Variants in LEF1 observed in about 807,000 individuals in gnomAD.
LEF1 encodes the protein lymphoid enhancer-binding factor 1.
Under a neutral mutation model 51.2 loss-of-function variants are expected in LEF1, and 14 were observed. The observed-to-expected ratio is 0.27, with a 90% CI of 0.18 to 0.43. The LOEUF (loss-of-function observed/expected upper bound fraction) is 0.43. Among genes scored for constraint, LEF1 ranks in the 20% least tolerant of loss-of-function variants. The pLI, the probability that LEF1 is intolerant of heterozygous loss-of-function variation, is 1.00. For synonymous variants in LEF1, 185 were observed against 183.2 expected (o/e 1.01, Z -0.08); for missense variants, 386 against 512.0 (o/e 0.75, Z 2.37).
At chr4:108,166,928 G>T in intron 1 of LEF1, 1 of 613,314 alleles carries the variant, frequency 1.6e-6, no homozygotes, top group Non-Finnish European at 2.0e-6. Context: ...AGGCGCTGGG[G>T]CCGCAGGGAC....
chr4:108,088,944 G>C (rs1395262066), intron 4 of LEF1, among the ~76,000 whole-genome samples, 181 bp downstream of exon 4: 5 of 152,160 alleles, frequency 3.3e-5, no homozygotes, highest in Non-Finnish European at 1.5e-5. Context: ...CATAATAAAT[G>C]TAACAGATTC....
chr4:108,063,526 A>G (rs1737840591), intron 11 of LEF1, 97 bp downstream of exon 11: 1 of 902,822 alleles, frequency 1.1e-6, no homozygotes, highest in Admixed American at 2.4e-5. Flanking sequence ...TTAAGGAGCA[A>G]TGTCGAATGA....
rs1255930321 is a variant in LEF1 at position 108,168,030 on chromosome 4, A to G, written c.-263T>C. The stretch of plus-strand genomic sequence containing the variant: ...GCGCCCGCCCCCGAGGCCGAAGGGC[A>G]CTGGGCGGCGAGGGCTGCGGTAGCT... On this transcript the variant is annotated 5_prime_UTR_variant, in exon 1 of 12. Transcript: ENST00000265165. This position sits in a 1 kb window ranked among gnomAD's most constrained non-coding sequence, Gnocchi z 4.6. 3 of 168,148 alleles carry G rather than the reference A, an allele frequency of 1.8e-5. No individual in the cohort carries two copies. The highest frequency in any genetic ancestry group is 3.8e-5 in the Non-Finnish European group (3 of 79,138). 10.4% of individuals were successfully genotyped at this position (168,148 alleles called of 1,614,324 possible).
chr4:108,124,622 C>A (rs984215431), intron 3 of LEF1, among the ~76,000 whole-genome samples: 2 of 152,284 alleles, frequency 1.3e-5, no homozygotes, highest in Middle Eastern at 3.4e-3. Context: ...CCTGCCTCGG[C>A]CTCCCAAAGT....
At chr4:108,072,713 T>A (rs1464295586) in intron 8 of LEF1, 1 of 152,164 alleles carries the variant, frequency 6.6e-6, no homozygotes, top group African/African-American at 2.4e-5. Flanking sequence ...ACTAGTAGAA[T>A]AAACATTAGA....
chr4:108,048,602 C>T lies in LEF1; in HGVS notation c.*156G>A. The T allele has an allele frequency of 1.0e-6, 1 of 981,148 alleles. No individual in the cohort carries two copies. The highest frequency in any genetic ancestry group is 2.6e-5 in the East Asian group (1 of 38,668). The allele number at this position is 981,148 out of a possible 1,614,324, so 60.8% of individuals were successfully genotyped here. On this transcript the variant is annotated 3_prime_UTR_variant, in exon 12 of 12. Coordinates refer to ENST00000265165, the MANE Select transcript of LEF1 (RefSeq NM_016269.5). ...TATGGATCAGCGTCTCTAGCAGTGACCTCAGGGTAAAATTGATGTCAGTGT... is the reference window on the plus strand; with the variant it reads ...TATGGATCAGCGTCTCTAGCAGTGATCTCAGGGTAAAATTGATGTCAGTGT...
chr4:108,095,371 T>C (rs934600839), intron 3 of LEF1, among the ~76,000 whole-genome samples: 1 of 152,210 alleles, frequency 6.6e-6, no homozygotes, highest in African/African-American at 2.4e-5. Flanking sequence ...CCCATATTTA[T>C]AGATGAGAAG....
intron 6 of LEF1, 48 bp downstream of exon 6, chr4:108,081,538 G>C (rs368011406): frequency 6.7e-7 from 1 of 1,483,402 alleles, no homozygotes; most frequent in South Asian, 1.1e-5. Flanking sequence ...ATGCAAGCAC[G>C]AGAAGAGCAA....
At position 108,079,483 on chromosome 4, in the gene LEF1, G is replaced by C. The variant is rs765887069; in HGVS notation, c.845+9C>G. ...AGGCAATCACAGCAGAGCCCGGGTGGATACTTACACGTGCATTAGGTCACT... is the reference window on the plus strand; with the variant it reads ...AGGCAATCACAGCAGAGCCCGGGTGCATACTTACACGTGCATTAGGTCACT... On this transcript the variant is annotated intron_variant, in intron 7 of 11. Transcript: ENST00000265165. The C allele has an allele frequency of 1.9e-6, 3 of 1,614,004 alleles. No homozygotes were observed. In the East Asian group the frequency reaches 6.7e-5, roughly 36 times the overall value.
chr4:108,084,456 A>T (rs1361807655), intron 4 of LEF1, among the ~76,000 whole-genome samples: 1 of 152,214 alleles, frequency 6.6e-6, no homozygotes, highest in African/African-American at 2.4e-5. Context: ...TACATGGAAG[A>T]TGTTTCTTAA....
intron 3 of LEF1, among the ~76,000 whole-genome samples, chr4:108,093,387 T>C (rs1476783706): frequency 6.6e-6 from 1 of 152,154 alleles, no homozygotes; most frequent in Non-Finnish European, 1.5e-5. Flanking sequence ...GTGCTTTTCC[T>C]ACTACACATC....
chr4:108,098,435 T>G (rs1273253889), intron 3 of LEF1, among the ~76,000 whole-genome samples: 1 of 151,916 alleles, frequency 6.6e-6, no homozygotes, highest in East Asian at 1.9e-4. Flanking sequence ...ATGTTCAGAC[T>G]GCAAATGGAG....
chr4:108,062,857 C>T (rs1325699362), intron 11 of LEF1, among the ~76,000 whole-genome samples: 2 of 152,016 alleles, frequency 1.3e-5, no homozygotes, highest in African/African-American at 4.8e-5. Flanking sequence ...AAAGGCAGCT[C>T]CTTTGAGAAC....
At chr4:108,133,769 T>C (rs969509307) in intron 3 of LEF1, among the ~76,000 whole-genome samples, 1 of 152,204 alleles carries the variant, frequency 6.6e-6, no homozygotes, top group African/African-American at 2.4e-5. Flanking sequence ...CCTTAATAGA[T>C]GGTTTCATGG....
chr4:108,064,934 A>G (rs1191396556), intron 9 of LEF1, among the ~76,000 whole-genome samples: 3 of 152,132 alleles, frequency 2.0e-5, no homozygotes, highest in Non-Finnish European at 4.4e-5. Flanking sequence ...TTAATTGAGT[A>G]CCCACAGGCC....
intron 3 of LEF1, among the ~76,000 whole-genome samples, chr4:108,121,056 AAAAG>A (rs1309183521): frequency 2.0e-5 from 3 of 152,240 alleles, no homozygotes; most frequent in Non-Finnish European, 4.4e-5. Context: ...GCCACATTGT[AAAAG>A]TGCTTTATAT....
At chr4:108,091,479 CT>C (rs1740022109) in intron 3 of LEF1, among the ~76,000 whole-genome samples, 4 of 151,418 alleles carry the variant, frequency 2.6e-5, no homozygotes, top group Non-Finnish European at 5.9e-5. Context: ...AAAAATCACA[CT>C]TTTTTTGGAA....
intron 3 of LEF1, among the ~76,000 whole-genome samples, chr4:108,160,646 GAAA>G (rs1017159749): frequency 2.0e-5 from 3 of 152,094 alleles, no homozygotes; most frequent in African/African-American, 7.2e-5. Flanking sequence ...CCCTTGAGAA[GAAA>G]AAAAGCTGAG....
At chr4:108,115,472 A>AT (rs1312019158) in intron 3 of LEF1, among the ~76,000 whole-genome samples, 2 of 152,240 alleles carry the variant, frequency 1.3e-5, no homozygotes. Context: ...AAGTGTGCTA[A>AT]TAACCCAAGA....
Sources: gnomAD v4.1 joint callset for allele counts (sites outside exome capture counted in the v4.1 genomes callset) on GRCh38, gnomAD v4.1.1 for gene constraint, Gnocchi (gnomAD v3.1) non-coding constraint, MANE v1.5 for transcripts, NCBI Gene and HGNC (gene_info 2026-07-23, HGNC 2026-07-21) for gene names.